The following HERC2 variants were observed in gnomAD, a reference collection of about 807,000 sequenced individuals.
HERC2 encodes the protein HECT and RLD domain containing E3 ubiquitin protein ligase 2.
A neutral mutation model predicts 537.7 loss-of-function variants in HERC2; 102 were observed. The observed-to-expected ratio is 0.19, with a 90% CI of 0.16 to 0.22. The LOEUF is 0.22. HERC2 is among the 10% of genes least tolerant of loss of function. HERC2 has a pLI of 1.00. For missense variants in HERC2, 4,236 were observed against 6,198.2 expected (o/e 0.68, Z 10.63); for synonymous variants, 2,224 against 2,466.2 (o/e 0.90, Z 2.91).
intron 42 of HERC2, 131 bp from the exon 43 acceptor site, chr15:28,212,714 T>G: frequency 9.7e-7 from 1 of 1,033,352 alleles, no homozygotes; most frequent in Non-Finnish European, 1.4e-6. Flanking sequence ...TAGCTGAGAA[T>G]AATCATTTTT....
intron 69 of HERC2, among the ~76,000 whole-genome samples, chr15:28,153,869 G>A (rs1892713692): frequency 1.3e-5 from 2 of 152,128 alleles, no homozygotes; most frequent in South Asian, 4.2e-4. Flanking sequence ...AGGCAACGGA[G>A]CCCGGTGGGA....
rs369365275 is a variant in HERC2, at chr15:28,115,419, A to T, written c.13722+10T>A. 6.2e-7 allele frequency: 1 copy of T among 1,605,272 alleles called. No individual in the cohort carries two copies. Among genetic ancestry groups the T allele is most frequent in the Non-Finnish European group, 8.5e-7 (1 of 1,172,698 alleles). On this transcript the variant is annotated intron_variant, in intron 89 of 92. Coordinates refer to ENST00000261609, the MANE Select transcript of HERC2 (RefSeq NM_004667.6). Reference sequence around the variant, plus strand: ...CCCTAGAGGCCCCGCCTGCCGCCCCAGGGAGTTACCTCACTGAGGTCCGCG... The same window carrying T: ...CCCTAGAGGCCCCGCCTGCCGCCCCTGGGAGTTACCTCACTGAGGTCCGCG...
chr15:28,214,445 C>T (rs1472035952), intron 40 of HERC2, among the ~76,000 whole-genome samples, 173 bp from the exon 41 acceptor site: 1 of 151,240 alleles, frequency 6.6e-6, no homozygotes, highest in Admixed American at 6.6e-5. Context: ...TTCACCAGGG[C>T]ACAGGGAAGG....
rs754213327 is a variant in HERC2 at position 28,122,528 on chromosome 15, G to A, written c.13189-1099C>T. On this transcript the variant is annotated intron_variant, in intron 85 of 92. Coordinates refer to ENST00000261609, the MANE Select transcript of HERC2 (RefSeq NM_004667.6). This position sits in a 1 kb window ranked among gnomAD's most constrained non-coding sequence, Gnocchi z 4.1. ...GCGGCACCCCAGCCCCATGCCTCTC[G>A]CACAGCCCAGACTCATCCTGCTCCC... is the stretch of plus-strand genomic sequence containing the variant. 2.6e-5 allele frequency among the ~76,000 whole-genome samples: 4 copies of A among 152,098 alleles called. No individual in the cohort carries two copies. Among genetic ancestry groups the A allele is most frequent in the Non-Finnish European group, 4.4e-5 (3 of 67,998 alleles).
intron 2 of HERC2, among the ~76,000 whole-genome samples, chr15:28,306,353 T>C (rs1169453940): frequency 6.6e-6 from 1 of 152,220 alleles, no homozygotes; most frequent in Non-Finnish European, 1.5e-5. Context: ...CTTCATTCTA[T>C]TGATATGATG....
chr15:28,298,005 T>TTGTGTGTGTGTGTG lies in HERC2; in HGVS notation c.187+1383_187+1396dup, dbSNP rs373425948. Among the ~76,000 whole-genome samples the TTGTGTGTGTGTGTG allele has an allele frequency of 1.0e-4, 13 of 130,614 alleles. No individual in the cohort carries two copies. In the East Asian group the frequency reaches 2.4e-3, roughly 24 times the overall value. 85.7% of individuals were successfully genotyped at this position (130,614 alleles called of 152,430 possible). A position where few individuals can be genotyped will look rare whatever the true frequency, so the allele number is the denominator to read the frequency against. On this transcript the variant is annotated intron_variant, in intron 3 of 92. Transcript: ENST00000261609. ...ACTCACTGTACACGTCTGTCAGTTA[T>TTGTGTGTGTGTGTG]TGTGTGTGTGTGTGTGTGTGTGTGT...
At position 28,196,249 on chromosome 15, in the gene HERC2, A is replaced by T; in HGVS notation, c.8226T>A (p.Asn2742Lys). ...TTATTCTGCCAAATGTATGCCTGGT[A>T]TTGTGTTTTTTGGTCTTGAAACACG... ...CETCFKTKKH[N>K]TRHTFGRINE... Residue 2742 changes from asparagine to lysine, a missense_variant, in exon 52 of 93, where the codon AAT (asparagine) becomes AAA (lysine). By Grantham distance (94) the Asn-to-Lys change is moderately conservative. Around this residue, in one of 27 missense-constraint regions of HERC2, gnomAD observed 606 missense variants for 884.5 expected, o/e 0.69. Coordinates refer to ENST00000261609, the MANE Select transcript of HERC2 (RefSeq NM_004667.6). 7.0e-7 allele frequency: 1 copy of T among 1,427,192 alleles called. No individual in the cohort carries two copies. The highest frequency in any genetic ancestry group is 9.7e-7 in the Non-Finnish European group (1 of 1,035,710). The allele number at this position is 1,427,192 out of a possible 1,614,324, so 88.4% of individuals were successfully genotyped here.
rs755908840 is a variant in HERC2, at chr15:28,256,307, G to A, written c.2528C>T (p.Ala843Val). Residue 843 changes from alanine to valine, a missense_variant, in exon 18 of 93, where the codon GCC becomes GTC. Coordinates refer to ENST00000261609, the MANE Select transcript of HERC2 (RefSeq NM_004667.6). Reference sequence around the variant, plus strand: ...TTCCGGGTCAACCTGGTGACTAATGGCAGCATGCAACTGAAAGGAGAAAAA... The same window carrying A: ...TTCCGGGTCAACCTGGTGACTAATGACAGCATGCAACTGAAAGGAGAAAAA... ...LNLLRLQLHA[A>V]ISHQVDPEFL... is the part of the protein sequence containing the mutation. The A allele has an allele frequency of 6.3e-7, 1 of 1,592,850 alleles. No individual in the cohort carries two copies. The highest frequency in any genetic ancestry group is 8.5e-7 in the Non-Finnish European group (1 of 1,177,584).
Position 28,214,249 on chromosome 15 carries a change from C to T in HERC2, c.6382G>A (p.Val2128Met), listed in dbSNP as rs1265871355. The T allele has an allele frequency of 5.0e-6, 8 of 1,611,466 alleles. No homozygotes were observed. The highest frequency in any genetic ancestry group is 6.8e-6 in the Non-Finnish European group (8 of 1,179,608). Residue 2128 changes from valine to methionine, a missense_variant, in exon 41 of 93, where the codon GTG (valine) becomes ATG (methionine). Val to Met is a conservative substitution (Grantham distance 21). Transcript: ENST00000261609. ...LRESTLRRRR[V>M]RPQASLTATH... Reference sequence around the variant, plus strand: ...GCAGTCAGCGAGGCCTGCGGGCGCACCCTGCGCCGCCTCAGCGTGGACTCT... The same window carrying T: ...GCAGTCAGCGAGGCCTGCGGGCGCATCCTGCGCCGCCTCAGCGTGGACTCT...
At chr15:28,240,147 A>T (rs142517992) in intron 23 of HERC2, among the ~76,000 whole-genome samples, 6 of 152,140 alleles carry the variant, frequency 3.9e-5, no homozygotes, top group Admixed American at 6.5e-5. Context: ...CAGAGGGCGC[A>T]GTGGCTCACG....
At chr15:28,249,562 T>C (rs1229716570) in intron 20 of HERC2, among the ~76,000 whole-genome samples, 2 of 152,062 alleles carry the variant, frequency 1.3e-5, no homozygotes, top group Non-Finnish European at 2.9e-5. Flanking sequence ...GTGCAGGTAA[T>C]GGAATGTCAG....
At chr15:28,204,455 A>G (rs1898196805) in intron 45 of HERC2, among the ~76,000 whole-genome samples, 1 of 152,052 alleles carries the variant, frequency 6.6e-6, no homozygotes, top group South Asian at 2.1e-4. Context: ...CCCCATCTCT[A>G]CTAAATATAC....
chr15:28,173,808 A>C (rs1457263039), intron 65 of HERC2, among the ~76,000 whole-genome samples: 6 of 150,934 alleles, frequency 4.0e-5, no homozygotes, highest in African/African-American at 7.3e-5. Flanking sequence ...AAAAAAAAAA[A>C]CCCAACCAAA....
intron 9 of HERC2, 64 bp from the exon 10 acceptor site, chr15:28,270,932 C>T: frequency 2.1e-6 from 3 of 1,431,828 alleles, no homozygotes; most frequent in Admixed American, 1.9e-5. Context: ...ACACAATTAA[C>T]CTTTACCCAC....
chr15:28,258,881 T>C (rs2075341062), intron 16 of HERC2, among the ~76,000 whole-genome samples: 1 of 151,850 alleles, frequency 6.6e-6, no homozygotes, highest in South Asian at 2.1e-4. Flanking sequence ...ATTATCAGAA[T>C]CAAGAATGAA....
chr15:28,235,844 C>T (rs1374956003), intron 26 of HERC2, among the ~76,000 whole-genome samples: 2 of 152,116 alleles, frequency 1.3e-5, no homozygotes, highest in Non-Finnish European at 2.9e-5. Flanking sequence ...AACTGTTCAA[C>T]AGAAGCTGCT....
chr15:28,279,452 C>G (rs1236477389), intron 5 of HERC2, among the ~76,000 whole-genome samples: 1 of 152,154 alleles, frequency 6.6e-6, no homozygotes, highest in Non-Finnish European at 1.5e-5. Context: ...CCAATTTATA[C>G]TTGAGCTGAT....
chr15:28,124,986 C>G lies in HERC2; in HGVS notation c.12990+20G>C. 1 of 1,579,752 alleles carries G rather than the reference C, an allele frequency of 6.3e-7. No homozygotes were observed. Among genetic ancestry groups the G allele is most frequent in the Non-Finnish European group, 8.7e-7 (1 of 1,152,554 alleles). On this transcript the variant is annotated intron_variant, in intron 84 of 92. Transcript: ENST00000261609. ...GCACACTTTGCTTGCCCCCGACCCA[C>G]CCAACCTGCCCGGACTCACCTGTGC... is the stretch of plus-strand genomic sequence containing the variant.
intron 76 of HERC2, 112 bp downstream of exon 76, chr15:28,142,126 T>C (rs1199461140): frequency 1.7e-6 from 2 of 1,188,542 alleles, no homozygotes; most frequent in Non-Finnish European, 1.2e-6. Context: ...TTTTCTTTGA[T>C]ATTCCTTGGC....
Sources: gnomAD v4.1 joint callset for allele counts (sites outside exome capture counted in the v4.1 genomes callset) on GRCh38, gnomAD v4.1.1 for gene constraint, gnomAD v4.1.1 regional missense constraint, Gnocchi (gnomAD v3.1) non-coding constraint, MANE v1.5 for transcripts, NCBI Gene and HGNC (gene_info 2026-07-23, HGNC 2026-07-21) for gene names.